The following TUBGCP3 variants were observed in gnomAD, a reference collection of about 807,000 sequenced individuals.
TUBGCP3 encodes the protein tubulin gamma complex component 3, also known as gamma-tubulin complex component 3.
A neutral mutation model predicts 123.1 loss-of-function variants in TUBGCP3; 50 were observed. The observed-to-expected ratio is 0.41, with a 90% confidence interval of 0.32 to 0.51. The LOEUF (loss-of-function observed/expected upper bound fraction) is 0.51, where lower values mean the gene tolerates loss of function less well. Among genes scored for constraint, TUBGCP3 ranks in the 20% least tolerant of loss-of-function variants. The pLI, the probability that TUBGCP3 is intolerant of heterozygous loss-of-function variation, is 0.36. For synonymous variants in TUBGCP3, 405 were observed against 413.9 expected, an observed-to-expected ratio of 0.98 and a Z score of 0.26; for missense variants, 882 against 1,127.0, an observed-to-expected ratio of 0.78 and a Z score of 3.11.
chr13:112,518,155 G>A (rs534084806), intron 16 of TUBGCP3, among the ~76,000 whole-genome samples: 2 of 152,224 alleles, frequency 1.3e-5, no homozygotes, highest in East Asian at 3.9e-4. Context: ...CTTACCAGTG[G>A]CAGGTTTCTT....
chr13:112,548,862 T>C (rs1018981380), intron 8 of TUBGCP3, among the ~76,000 whole-genome samples: 1 of 152,120 alleles, frequency 6.6e-6, no homozygotes, highest in African/African-American at 2.4e-5. Flanking sequence ...TGTGGAGAAA[T>C]AGGAACACTT....
chr13:112,496,918 G>A (rs1029521870), intron 20 of TUBGCP3, among the ~76,000 whole-genome samples: 13 of 151,716 alleles, frequency 8.6e-5, no homozygotes, highest in African/African-American at 1.9e-4. Context: ...CCCAGGAGGC[G>A]GAGCCTGCAG....
chr13:112,574,329 T>C (rs1881643979), intron 1 of TUBGCP3, among the ~76,000 whole-genome samples: 2 of 135,364 alleles, frequency 1.5e-5, no homozygotes, highest in Admixed American at 7.6e-5. Flanking sequence ...CAGTGTGGCT[T>C]CCCCCTGCCC....
chr13:112,489,925 C>A, intron 20 of TUBGCP3: 1 of 550,914 alleles, frequency 1.8e-6, no homozygotes, highest in Non-Finnish European at 3.2e-6. Context: ...TTGAGACTGC[C>A]TCTGTTGTTT....
At position 112,519,782 on chromosome 13, in the gene TUBGCP3, G is replaced by T; in HGVS notation, c.1881+104C>A. 7.0e-7 allele frequency: 1 copy of T among 1,423,668 alleles called. No individual in the cohort carries two copies. Among genetic ancestry groups the T allele is most frequent in the Non-Finnish European group, 9.3e-7 (1 of 1,079,860 alleles). The allele number at this position is 1,423,668 out of a possible 1,614,324, so 88.2% of individuals were successfully genotyped here. On this transcript the variant is annotated intron_variant, in intron 15 of 21. Transcript: ENST00000261965. The surrounding 1 kb of genome is among the most constrained non-coding windows in gnomAD (Gnocchi z 6.2). ...GCTGCCCAGTTTCCAGAAAGATAAC[G>T]GCTAGCTGTGCCTGAAACAACATGG...
At chr13:112,587,824 C>G in intron 1 of TUBGCP3, 81 bp downstream of exon 1, 1 of 1,293,762 alleles carries the variant, frequency 7.7e-7, no homozygotes. Flanking sequence ...TTCCTCCAGC[C>G]CCGGAACGTA....
chr13:112,553,943 G>GAGT, intron 8 of TUBGCP3, 114 bp downstream of exon 8: 1 of 1,492,512 alleles, frequency 6.7e-7, no homozygotes, highest in African/African-American at 1.4e-5. Flanking sequence ...GACTCTCAAA[G>GAGT]CTGCTTTACT....
intron 20 of TUBGCP3, among the ~76,000 whole-genome samples, chr13:112,491,867 C>G (rs770366541): frequency 2.6e-5 from 4 of 152,226 alleles, no homozygotes; most frequent in Non-Finnish European, 5.9e-5. Context: ...CACCCAGGGG[C>G]ATCAAGCAAA....
At chr13:112,562,051 C>T (rs1880549839) in intron 3 of TUBGCP3, among the ~76,000 whole-genome samples, 1 of 152,022 alleles carries the variant, frequency 6.6e-6, no homozygotes, top group African/African-American at 2.4e-5. Context: ...GGAAACACCA[C>T]CAGCAACACT....
chr13:112,597,789 A>G, the TUBGCP3 span, among the ~76,000 whole-genome samples: 2 of 152,236 alleles, frequency 1.3e-5, no homozygotes, highest in Non-Finnish European at 2.9e-5. Context: ...TTAAAATATG[A>G]GAAAGAATAT....
At chr13:112,599,914 G>A in the TUBGCP3 span, among the ~76,000 whole-genome samples, 2 of 152,036 alleles carry the variant, frequency 1.3e-5, no homozygotes, top group South Asian at 4.1e-4. Context: ...ACTGTCACAC[G>A]CCTCTCCCCA....
intron 20 of TUBGCP3, among the ~76,000 whole-genome samples, chr13:112,494,627 T>A (rs1880401795): frequency 2.6e-5 from 4 of 152,214 alleles, no homozygotes; most frequent in Admixed American, 2.0e-4. Flanking sequence ...CTTAAGGACA[T>A]ACATGTACTC....
intron 8 of TUBGCP3, among the ~76,000 whole-genome samples, chr13:112,551,869 G>A (rs140020183): frequency 1.8e-4 from 27 of 152,208 alleles, no homozygotes; most frequent in East Asian, 5.8e-4. Flanking sequence ...TTTTTTCCAC[G>A]GACCAGGGTG....
intron 20 of TUBGCP3, among the ~76,000 whole-genome samples, chr13:112,497,742 G>C (rs1241807237): frequency 1.3e-5 from 2 of 152,202 alleles, no homozygotes; most frequent in African/African-American, 4.8e-5. Flanking sequence ...GCGTGTGACT[G>C]TATTAAATGC....
chr13:112,544,293 A>C (rs553223311), intron 11 of TUBGCP3, among the ~76,000 whole-genome samples: 1 of 152,170 alleles, frequency 6.6e-6, no homozygotes, highest in East Asian at 1.9e-4. Flanking sequence ...CTCTACTAAA[A>C]ATACAAAAAT....
In TUBGCP3 at chr13:112,485,083, A is replaced by G. The variant is rs1879568176; in HGVS notation, c.*910T>C. 1 of 152,630 alleles carries G rather than the reference A, an allele frequency of 6.6e-6. No individual in the cohort carries two copies. The highest frequency in any genetic ancestry group is 6.5e-5 in the Admixed American group (1 of 15,282). 9.5% of individuals were successfully genotyped at this position (152,630 alleles called of 1,614,324 possible). ...AAAGGCAGATTTATGTGACCTGATA[A>G]TGACATTTTTACAAAAAACAATCCC... On this transcript the variant is annotated 3_prime_UTR_variant, in exon 22 of 22. Transcript: ENST00000261965.
At chr13:112,515,978 C>A (rs1876090397) in intron 17 of TUBGCP3, among the ~76,000 whole-genome samples, 1 of 152,208 alleles carries the variant, frequency 6.6e-6, no homozygotes, top group African/African-American at 2.4e-5. Flanking sequence ...CTCAAAGGTT[C>A]TGACCAAATC....
At chr13:112,515,353 G>A (rs1430202457) in intron 17 of TUBGCP3, among the ~76,000 whole-genome samples, 1 of 152,126 alleles carries the variant, frequency 6.6e-6, no homozygotes, top group South Asian at 2.1e-4. Context: ...CCTCGTGAAG[G>A]GGGCAGCCAG....
At chr13:112,514,865 G>A (rs563646958) in intron 17 of TUBGCP3, among the ~76,000 whole-genome samples, 14 of 152,012 alleles carry the variant, frequency 9.2e-5, no homozygotes, top group Non-Finnish European at 1.3e-4. Flanking sequence ...TATTTATATC[G>A]GCAAAAAATT....
Sources: allele counts gnomAD v4.1 joint callset (sites outside exome capture counted in the v4.1 genomes callset), GRCh38; gene constraint gnomAD v4.1.1; non-coding constraint Gnocchi (gnomAD v3.1); transcripts MANE v1.5; gene names NCBI Gene and HGNC (gene_info 2026-07-23, HGNC 2026-07-21).